MACROH2A2: variants seen among roughly 807,000 people sequenced by gnomAD.
The protein encoded by MACROH2A2 is core histone macro-H2A.2.
MACROH2A2 carries 6 observed loss-of-function variants against 37.6 expected under a neutral mutation model. The ratio of observed to expected loss-of-function variants is 0.16; its 90% CI spans 0.09 to 0.32. MACROH2A2 has a LOEUF of 0.32. Ranked by LOEUF, MACROH2A2 falls within the 10% of genes least tolerant of loss-of-function variation. The pLI, the probability that MACROH2A2 is intolerant of heterozygous loss-of-function variation, is 1.00. For synonymous variants in MACROH2A2, 192 were observed against 202.7 expected (o/e 0.95, Z 0.45); for missense variants, 290 against 485.9 (o/e 0.60, Z 3.79).
chr10:70,098,063 A>C lies in MACROH2A2; in HGVS notation c.689-2145A>C, dbSNP rs569387553. Among the ~76,000 whole-genome samples the C allele has an allele frequency of 2.4e-3, 358 of 152,186 alleles. 15 individuals carry two copies. Among genetic ancestry groups the C allele is most frequent in the Non-Finnish European group, 6.6e-4 (45 of 68,000 alleles). On this transcript the variant is annotated intron_variant, in intron 6 of 8. Transcript: ENST00000373255. ...TCCAGACCAACCTGGGCACATGGCAAAACCCCATCTCTACAAAAAATACAA... is the reference window on the plus strand; with the variant it reads ...TCCAGACCAACCTGGGCACATGGCACAACCCCATCTCTACAAAAAATACAA...
chr10:70,088,220 ACG>A (rs1420351094), intron 2 of MACROH2A2, among the ~76,000 whole-genome samples: 2 of 149,646 alleles, frequency 1.3e-5, no homozygotes, highest in Non-Finnish European at 3.0e-5. Context: ...CAGTACATTC[ACG>A]CACACACACA....
Position 70,109,026 on chromosome 10 carries a change from GTC to G in MACROH2A2, c.779-6_779-5del. 6.2e-7 allele frequency: 1 copy of G among 1,613,642 alleles called. No homozygotes were observed. Among genetic ancestry groups the G allele is most frequent in the Non-Finnish European group, 8.5e-7 (1 of 1,179,596 alleles). ...TAACCCGCGGCATTTTCTCTCCTAT[GTC>G]CCAGCCGCCGTCAGCCAATCCAGTG... On this transcript the variant is annotated splice_region_variant and splice_polypyrimidine_tract_variant and intron_variant, in intron 7 of 8. Coordinates refer to ENST00000373255, the MANE Select transcript of MACROH2A2 (RefSeq NM_018649.3).
chr10:70,083,270 A>G (rs2072192063), intron 2 of MACROH2A2, among the ~76,000 whole-genome samples: 1 of 152,200 alleles, frequency 6.6e-6, no homozygotes, highest in Admixed American at 6.5e-5. Flanking sequence ...AGCAGCCCCC[A>G]GATACCTTCT....
chr10:70,086,487 G>A (rs893291076), intron 2 of MACROH2A2, among the ~76,000 whole-genome samples: 5 of 152,060 alleles, frequency 3.3e-5, no homozygotes, highest in African/African-American at 7.2e-5. Context: ...GTTTGATTCC[G>A]GCAGATTATT....
intron 1 of MACROH2A2, among the ~76,000 whole-genome samples, chr10:70,072,164 C>A (rs1246335978): frequency 6.6e-6 from 1 of 152,052 alleles, no homozygotes; most frequent in African/African-American, 2.4e-5. Context: ...AGCTACTACA[C>A]ATATTTTCCT....
At chr10:70,063,453 G>A (rs981502441) in intron 1 of MACROH2A2, among the ~76,000 whole-genome samples, 5 of 152,142 alleles carry the variant, frequency 3.3e-5, no homozygotes, top group African/African-American at 7.2e-5. Flanking sequence ...AGGCTTTATC[G>A]TCTCTTGATG....
intron 8 of MACROH2A2, among the ~76,000 whole-genome samples, chr10:70,109,673 C>T (rs894474099): frequency 1.3e-5 from 2 of 152,196 alleles, no homozygotes; most frequent in African/African-American, 2.4e-5. Context: ...CCCCCATCTC[C>T]GACCTCTGGC....
chr10:70,054,279 G>A (rs1219267455), intron 1 of MACROH2A2, among the ~76,000 whole-genome samples: 3 of 152,178 alleles, frequency 2.0e-5, no homozygotes, highest in African/African-American at 7.2e-5. Flanking sequence ...CCAAAGTGCG[G>A]GGCCCTGAGT....
chr10:70,092,763 G>A (rs7068570), intron 4 of MACROH2A2, among the ~76,000 whole-genome samples: 193 of 152,272 alleles, frequency 1.3e-3, no homozygotes, highest in African/African-American at 4.2e-3. Flanking sequence ...TGAAGTGAGC[G>A]ATGATAGCCA....
chr10:70,109,499 C>G (rs2072357384), intron 8 of MACROH2A2, among the ~76,000 whole-genome samples: 2 of 152,220 alleles, frequency 1.3e-5, no homozygotes, highest in African/African-American at 4.8e-5. Flanking sequence ...CAGAGGCCAG[C>G]TGGTGTGTTA....
At chr10:70,079,557 G>GCA (rs1369989531) in intron 2 of MACROH2A2, among the ~76,000 whole-genome samples, 11 of 108,692 alleles carry the variant, frequency 1.0e-4, no homozygotes, top group African/African-American at 4.4e-4. Context: ...GGGTTCGCGC[G>GCA]CGCGCGCGCA....
intron 1 of MACROH2A2, among the ~76,000 whole-genome samples, chr10:70,061,789 T>C (rs1030781233): frequency 7.9e-5 from 12 of 152,244 alleles, no homozygotes; most frequent in African/African-American, 2.9e-4. Context: ...ACATTCATGG[T>C]TGGTTAATTT....
intron 6 of MACROH2A2, chr10:70,099,089 T>C (rs1054016221): frequency 2.6e-5 from 4 of 152,150 alleles, no homozygotes; most frequent in African/African-American, 9.7e-5. Flanking sequence ...CTGGACCCAA[T>C]AGATCAACAG....
intron 1 of MACROH2A2, among the ~76,000 whole-genome samples, chr10:70,059,984 C>G (rs2072041779): frequency 6.6e-6 from 1 of 152,156 alleles, no homozygotes; most frequent in East Asian, 1.9e-4. Flanking sequence ...CGTGCATAAC[C>G]AGGGAGCAAC....
At chr10:70,089,838 A>G (rs1462941731) in intron 2 of MACROH2A2, among the ~76,000 whole-genome samples, 1 of 152,060 alleles carries the variant, frequency 6.6e-6, no homozygotes, top group East Asian at 1.9e-4. Flanking sequence ...AGCTCACTGC[A>G]GCCTTGAACT....
At chr10:70,085,905 G>A (rs933923536) in intron 2 of MACROH2A2, among the ~76,000 whole-genome samples, 4 of 152,168 alleles carry the variant, frequency 2.6e-5, no homozygotes, top group African/African-American at 9.7e-5. Context: ...ACTCAAGAAT[G>A]TAACAAACTT....
intron 8 of MACROH2A2, 110 bp from the exon 9 acceptor site, chr10:70,111,408 G>A (rs897318585): frequency 2.1e-6 from 2 of 942,876 alleles, no homozygotes; most frequent in South Asian, 3.1e-5. Context: ...ATCATGCATG[G>A]ACTAGCCCTG....
chr10:70,054,418 G>A (rs1589828573), intron 1 of MACROH2A2, among the ~76,000 whole-genome samples: 1 of 152,098 alleles, frequency 6.6e-6, no homozygotes, highest in Non-Finnish European at 1.5e-5. Flanking sequence ...TCAAAACAAG[G>A]GCCCAGTTCT....
chr10:70,078,808 TG>T (rs1336205761), intron 2 of MACROH2A2, among the ~76,000 whole-genome samples: 1 of 152,234 alleles, frequency 6.6e-6, no homozygotes, highest in African/African-American at 2.4e-5. Context: ...TTAGTGGAAT[TG>T]CAAGCTACTG....
Sources: allele counts gnomAD v4.1 joint callset (sites outside exome capture counted in the v4.1 genomes callset), GRCh38; gene constraint gnomAD v4.1.1; transcripts MANE v1.5; gene names NCBI Gene and HGNC (gene_info 2026-07-23, HGNC 2026-07-21).